The following SEL1L2 variants were observed in gnomAD, a reference collection of about 807,000 sequenced individuals.
The protein encoded by SEL1L2 is protein sel-1 homolog 2.
A neutral mutation model predicts 98.8 loss-of-function variants in SEL1L2; 89 were observed. The ratio of observed to expected loss-of-function variants is 0.90; its 90% confidence interval spans 0.76 to 1.07. The LOEUF is 1.07. Among genes scored for constraint, SEL1L2 ranks in the 50% least tolerant of loss-of-function variants. The pLI, the probability that SEL1L2 is intolerant of heterozygous loss-of-function variation, is 0.00. For synonymous variants in SEL1L2, 262 were observed against 278.5 expected (o/e 0.94, Z 0.59); for missense variants, 788 against 812.0 (o/e 0.97, Z 0.36).
chr20:13,973,275 T>C (rs1489850352), intron 1 of SEL1L2: 1 of 152,230 alleles, frequency 6.6e-6, no homozygotes, highest in Non-Finnish European at 1.5e-5. Flanking sequence ...ATACATATTA[T>C]GGTATTTTAT....
chr20:13,989,942 G>A, intron 1 of SEL1L2, among the ~76,000 whole-genome samples: 1 of 152,098 alleles, frequency 6.6e-6, no homozygotes, highest in East Asian at 1.9e-4. Context: ...CACATTATAT[G>A]AGGATTGGGT....
chr20:13,910,649 A>G (rs1210630154), intron 5 of SEL1L2, among the ~76,000 whole-genome samples: 1 of 152,206 alleles, frequency 6.6e-6, no homozygotes, highest in African/African-American at 2.4e-5. Context: ...CAGTGGTTAG[A>G]CATTTAGAGT....
intron 1 of SEL1L2, among the ~76,000 whole-genome samples, chr20:13,981,895 A>G (rs2051848310): frequency 6.6e-6 from 1 of 152,242 alleles, no homozygotes; most frequent in South Asian, 2.1e-4. Context: ...GTTATTCAAA[A>G]TAGCACTGGT....
chr20:13,849,708 A>C, intron 19 of SEL1L2, 104 bp from the exon 20 acceptor site: 2 of 1,358,210 alleles, frequency 1.5e-6, no homozygotes, highest in Non-Finnish European at 2.0e-6. Context: ...CCTCCCACCC[A>C]TTCCCTTTGC....
intron 15 of SEL1L2, among the ~76,000 whole-genome samples, chr20:13,865,951 G>A (rs1270570366): frequency 6.6e-6 from 1 of 152,102 alleles, no homozygotes; most frequent in East Asian, 1.9e-4. Context: ...GAAAGACAGT[G>A]CCGGAGGGTG....
rs1359740472 is a variant in SEL1L2 at position 13,870,080 on chromosome 20, A to G, written c.1167+61T>C. 7.6e-6 allele frequency: 9 copies of G among 1,187,242 alleles called. No individual in the cohort carries two copies. In the Admixed American group the frequency reaches 1.4e-4, roughly 18 times the overall value. The allele number at this position is 1,187,242 out of a possible 1,614,324, so 73.5% of individuals were successfully genotyped here. A position where few individuals can be genotyped will look rare whatever the true frequency, so the allele number is the denominator to read the frequency against. On this transcript the variant is annotated intron_variant, in intron 13 of 19. Transcript: ENST00000284951. The stretch of plus-strand genomic sequence containing the variant: ...ATAAATTCCTTTAAACTAATGAATG[A>G]CCATGAATTTTACCCTGTAAATTGC...
At chr20:13,882,770 T>C (rs796947570) in intron 10 of SEL1L2, among the ~76,000 whole-genome samples, 1 of 151,012 alleles carries the variant, frequency 6.6e-6, no homozygotes, top group African/African-American at 2.4e-5. Context: ...ACTATTTTTT[T>C]AAAAATGCAG....
intron 5 of SEL1L2, among the ~76,000 whole-genome samples, chr20:13,895,775 T>G (rs2148050608): frequency 6.6e-6 from 1 of 152,316 alleles, no homozygotes; most frequent in Admixed American, 6.5e-5. Context: ...GAAATAAAAG[T>G]TATCCAAATT....
intron 5 of SEL1L2, among the ~76,000 whole-genome samples, chr20:13,900,815 C>G (rs1179882367): frequency 6.6e-6 from 1 of 152,118 alleles, no homozygotes; most frequent in Admixed American, 6.5e-5. Flanking sequence ...GTTAAATCCT[C>G]CTTGTTTATG....
At chr20:13,970,821 A>C (rs1460759306) in intron 1 of SEL1L2, among the ~76,000 whole-genome samples, 1 of 151,788 alleles carries the variant, frequency 6.6e-6, no homozygotes, top group East Asian at 1.9e-4. Context: ...AACAAGAGTA[A>C]AACTCCGTCT....
At chr20:13,864,670 T>C (rs1291299456) in intron 17 of SEL1L2, among the ~76,000 whole-genome samples, 3 of 152,230 alleles carry the variant, frequency 2.0e-5, no homozygotes, top group Admixed American at 1.3e-4. Context: ...TTTGGTTTTT[T>C]ATTCTTACAT....
intron 1 of SEL1L2, among the ~76,000 whole-genome samples, chr20:13,959,786 A>G (rs1350719031): frequency 2.0e-5 from 3 of 152,176 alleles, no homozygotes; most frequent in African/African-American, 7.2e-5. Flanking sequence ...GTTGATTGCA[A>G]TGGTTCTTAT....
intron 2 of SEL1L2, among the ~76,000 whole-genome samples, chr20:13,935,710 T>C (rs1452506471): frequency 6.6e-6 from 1 of 152,144 alleles, no homozygotes; most frequent in Non-Finnish European, 1.5e-5. Context: ...TCTGTGTGAA[T>C]GGGAGCCCTA....
chr20:13,892,669 G>T (rs185162633), intron 5 of SEL1L2, among the ~76,000 whole-genome samples: 64 of 152,272 alleles, frequency 4.2e-4, no homozygotes, highest in African/African-American at 1.5e-3. Context: ...CAGCAATAGT[G>T]ATTCCTTCCC....
At chr20:13,977,798 A>G (rs1442316907) in intron 1 of SEL1L2, among the ~76,000 whole-genome samples, 27 of 152,330 alleles carry the variant, frequency 1.8e-4, no homozygotes, top group Non-Finnish European at 4.4e-5. Flanking sequence ...TGTTTGATAC[A>G]GAAACCTTTT....
chr20:13,926,490 A>G (rs2048913010), intron 3 of SEL1L2, among the ~76,000 whole-genome samples: 1 of 152,132 alleles, frequency 6.6e-6, no homozygotes, highest in African/African-American at 2.4e-5. Context: ...ATGGCCTGTT[A>G]GAGTTGTCTC....
rs573231171 is a variant in SEL1L2, at chr20:13,907,688, CTT to C, written c.549+6092_549+6093del. On this transcript the variant is annotated intron_variant, in intron 5 of 19. Coordinates refer to ENST00000284951, the MANE Select transcript of SEL1L2 (RefSeq NM_025229.2). ...ATGAGTAATTTCTCTTTTTCTCTTT[CTT>C]TCTTTCTTTCTCTTTCTTTCTTTCT... Among the ~76,000 whole-genome samples the C allele has an allele frequency of 1.8e-4, 26 of 147,194 alleles. No individual in the cohort carries two copies. In the South Asian group the frequency reaches 3.1e-3, roughly 17 times the overall value.
In SEL1L2 at chr20:13,886,284, T is replaced by A; in HGVS notation, c.900+4A>T. The A allele has an allele frequency of 6.3e-7, 1 of 1,599,476 alleles. No individual in the cohort carries two copies. The highest frequency in any genetic ancestry group is 2.2e-5 in the East Asian group (1 of 44,794). ...AAAAACTCAATCTCATCTGTATACA[T>A]TACTTGTATCTGAACATCTCCTCTT... On this transcript the variant is annotated splice_donor_region_variant and intron_variant, in intron 9 of 19. Coordinates refer to ENST00000284951, the MANE Select transcript of SEL1L2 (RefSeq NM_025229.2).
chr20:13,949,297 C>T (rs6042449), intron 2 of SEL1L2, among the ~76,000 whole-genome samples: 59,937 of 152,018 alleles, frequency 0.39, 12,103 homozygotes, highest in South Asian at 0.48. Context: ...TCTGCATCAC[C>T]AATCATTAGG....
Sources: allele counts gnomAD v4.1 joint callset (sites outside exome capture counted in the v4.1 genomes callset), GRCh38; gene constraint gnomAD v4.1.1; transcripts MANE v1.5; gene names NCBI Gene and HGNC (gene_info 2026-07-23, HGNC 2026-07-21).